The following CCDC91 variants were observed in gnomAD, a reference collection of about 807,000 sequenced individuals.
CCDC91 encodes the protein coiled-coil domain containing 91, also known as coiled-coil domain-containing protein 91.
Under a neutral mutation model 63.2 loss-of-function variants are expected in CCDC91, and 48 were observed. That is an observed-to-expected ratio of 0.76 (90% CI 0.60 to 0.97). The LOEUF is 0.97. Among genes scored for constraint, CCDC91 ranks in the 50% least tolerant of loss-of-function variants. The pLI, the probability that CCDC91 is intolerant of heterozygous loss-of-function variation, is 0.00. For synonymous variants in CCDC91, 167 were observed against 165.8 expected (o/e 1.01, Z -0.06); for missense variants, 500 against 494.6 (o/e 1.01, Z -0.10).
chr12:28,408,445 A>G (rs1263269558), intron 8 of CCDC91, among the ~76,000 whole-genome samples: 1 of 152,214 alleles, frequency 6.6e-6, no homozygotes, highest in East Asian at 1.9e-4. Context: ...CAATAAACAT[A>G]CTTGTGCATG....
intron 8 of CCDC91, among the ~76,000 whole-genome samples, chr12:28,425,399 C>T (rs1211274989): frequency 6.6e-6 from 1 of 152,100 alleles, no homozygotes; most frequent in Non-Finnish European, 1.5e-5. Flanking sequence ...AGCCCTCTCC[C>T]CTTTCTTCCT....
intron 7 of CCDC91, among the ~76,000 whole-genome samples, chr12:28,368,874 A>G (rs1048837473): frequency 4.6e-5 from 7 of 152,042 alleles, no homozygotes; most frequent in Admixed American, 3.3e-4. Flanking sequence ...GCACACTTTT[A>G]AACCGTCAGA....
intron 3 of CCDC91, among the ~76,000 whole-genome samples, chr12:28,304,422 A>C (rs1938481912): frequency 6.7e-6 from 1 of 148,666 alleles, no homozygotes; most frequent in African/African-American, 2.5e-5. Flanking sequence ...AAAAGAAAAA[A>C]AGAAATGCCT....
intron 8 of CCDC91, among the ~76,000 whole-genome samples, chr12:28,420,104 A>G (rs550386690): frequency 6.6e-6 from 1 of 152,248 alleles, no homozygotes; most frequent in South Asian, 2.1e-4. Context: ...TAGAGGTGAT[A>G]ATCAGTTATT....
chr12:28,384,708 G>T (rs1296214067), intron 7 of CCDC91, among the ~76,000 whole-genome samples: 2 of 151,958 alleles, frequency 1.3e-5, no homozygotes, highest in African/African-American at 4.8e-5. Flanking sequence ...GGAAACAAAT[G>T]GTTAAAACTG....
At chr12:28,209,668 T>C (rs1201185355) in intron 1 of CCDC91, among the ~76,000 whole-genome samples, 1 of 152,064 alleles carries the variant, frequency 6.6e-6, no homozygotes, top group Non-Finnish European at 1.5e-5. Flanking sequence ...TGACCTCAAG[T>C]GATCCACCTG....
At chr12:28,493,116 T>C (rs897036153) in intron 12 of CCDC91, among the ~76,000 whole-genome samples, 45 of 151,834 alleles carry the variant, frequency 3.0e-4, no homozygotes, top group African/African-American at 1.1e-3. Context: ...GGGTGCTTTA[T>C]ATTTACTGTC....
chr12:28,514,425 T>A (rs1311238414), intron 12 of CCDC91, among the ~76,000 whole-genome samples: 6 of 151,794 alleles, frequency 4.0e-5, no homozygotes, highest in Non-Finnish European at 8.8e-5. Context: ...TTACTGGTAG[T>A]TTCTTTTGCT....
At chr12:28,242,457 G>T (rs184172070) in intron 1 of CCDC91, among the ~76,000 whole-genome samples, 1 of 152,154 alleles carries the variant, frequency 6.6e-6, no homozygotes, top group Non-Finnish European at 1.5e-5. Context: ...CCAAACATAG[G>T]AAATAACAGA....
intron 3 of CCDC91, among the ~76,000 whole-genome samples, chr12:28,275,674 A>G (rs1485355053): frequency 6.6e-6 from 1 of 152,156 alleles, no homozygotes; most frequent in Non-Finnish European, 1.5e-5. Context: ...ACAAAAAAAG[A>G]GAATTTTAGA....
At chr12:28,409,439 T>C (rs1240214876) in intron 8 of CCDC91, among the ~76,000 whole-genome samples, 5 of 152,134 alleles carry the variant, frequency 3.3e-5, no homozygotes, top group Non-Finnish European at 7.4e-5. Context: ...GTAATCTATG[T>C]TTTCTTTCTT....
At chr12:28,335,275 T>G (rs1444189161) in intron 6 of CCDC91, among the ~76,000 whole-genome samples, 1 of 137,344 alleles carries the variant, frequency 7.3e-6, no homozygotes, top group Non-Finnish European at 1.5e-5. Flanking sequence ...ATATAATATA[T>G]AATACATATT....
intron 8 of CCDC91, among the ~76,000 whole-genome samples, chr12:28,449,364 C>G (rs1482369387): frequency 6.6e-6 from 1 of 151,954 alleles, no homozygotes; most frequent in Admixed American, 6.5e-5. Context: ...CCTTTAATAA[C>G]TGAATGAAAA....
At chr12:28,439,718 TTTTC>T (rs1949084015) in intron 8 of CCDC91, among the ~76,000 whole-genome samples, 1 of 148,078 alleles carries the variant, frequency 6.8e-6, no homozygotes, top group Non-Finnish European at 1.5e-5. Context: ...GAGGTTTTTT[TTTTC>T]TTTCTTTTTT....
At chr12:28,336,531 T>C (rs1226570932) in intron 6 of CCDC91, among the ~76,000 whole-genome samples, 1 of 152,194 alleles carries the variant, frequency 6.6e-6, no homozygotes. Context: ...TTCAACATTT[T>C]ATTTTAGGCT....
At chr12:28,238,653 C>G (rs1262700428) in intron 1 of CCDC91, among the ~76,000 whole-genome samples, 1 of 152,008 alleles carries the variant, frequency 6.6e-6, no homozygotes, top group Non-Finnish European at 1.5e-5. Context: ...ACTGGAAATG[C>G]AATTTATGTC....
chr12:28,422,357 T>G (rs150529305), intron 8 of CCDC91, among the ~76,000 whole-genome samples: 51 of 151,580 alleles, frequency 3.4e-4, no homozygotes, highest in African/African-American at 1.2e-3. Context: ...AAAATATAAA[T>G]TTTATAGTAA....
intron 7 of CCDC91, among the ~76,000 whole-genome samples, chr12:28,390,163 G>A (rs1945844900): frequency 1.3e-5 from 2 of 152,122 alleles, no homozygotes; most frequent in South Asian, 4.1e-4. Context: ...TTGAAAATTT[G>A]AGACTTATTT....
intron 1 of CCDC91, among the ~76,000 whole-genome samples, chr12:28,195,292 G>C (rs1248720388): frequency 6.6e-6 from 1 of 152,036 alleles, no homozygotes; most frequent in African/African-American, 2.4e-5. Flanking sequence ...TCCCCTACCC[G>C]ATTAGCTAGA....
Sources: allele counts gnomAD v4.1 joint callset (sites outside exome capture counted in the v4.1 genomes callset), GRCh38; gene constraint gnomAD v4.1.1; transcripts MANE v1.5; gene names NCBI Gene and HGNC (gene_info 2026-07-23, HGNC 2026-07-21).